Variants in PCDH7 observed in about 807,000 individuals in gnomAD.
PCDH7 encodes the protein protocadherin-7.
PCDH7 carries 17 observed loss-of-function variants against 58.9 expected under a neutral mutation model. The observed-to-expected ratio is 0.29, with a 90% confidence interval of 0.20 to 0.43. PCDH7 has a LOEUF of 0.43. Among genes scored for constraint, PCDH7 ranks in the 20% least tolerant of loss-of-function variants. The pLI is 1.00. For missense variants in PCDH7, 1,274 were observed against 1,441.0 expected (o/e 0.88, Z 1.88); for synonymous variants, 664 against 616.4 (o/e 1.08, Z -1.14).
chr4:31,036,860 G>A (rs548725158), intron 3 of PCDH7, among the ~76,000 whole-genome samples: 3 of 152,234 alleles, frequency 2.0e-5, no homozygotes, highest in Non-Finnish European at 4.4e-5. Context: ...CACAATTATG[G>A]TGAAAAGTGA....
intron 2 of PCDH7, among the ~76,000 whole-genome samples, chr4:30,930,881 G>A (rs1475318632): frequency 1.3e-5 from 2 of 152,196 alleles, no homozygotes; most frequent in Non-Finnish European, 2.9e-5. Flanking sequence ...CCAGGCTGCA[G>A]TGAGCTTTTT....
Position 30,720,588 on chromosome 4 carries a change from G to C in PCDH7, c.-835G>C, listed in dbSNP as rs1351973348. The C allele has an allele frequency of 6.6e-6, 1 of 152,640 alleles. No individual in the cohort carries two copies. Among genetic ancestry groups the C allele is most frequent in the Non-Finnish European group, 1.5e-5 (1 of 68,062 alleles). 9.5% of individuals were successfully genotyped at this position (152,640 alleles called of 1,614,324 possible). ...TTGTTAAGAAAAAAGAGAAACCCGC[G>C]CTCTCCGGGGTGAGAAGGGACTGAC... On this transcript the variant is annotated 5_prime_UTR_variant, in exon 1 of 2. Transcript: ENST00000361762. The surrounding 1 kb of genome is among the most constrained non-coding windows in gnomAD (Gnocchi z 4.7).
downstream of PCDH7, chr4:31,146,529 C>G (rs1230865064): frequency 6.6e-6 from 1 of 151,998 alleles, no homozygotes; most frequent in Non-Finnish European, 1.5e-5. Flanking sequence ...AAAGCACTTG[C>G]GTTCAGTGTG....
chr4:30,857,022 T>C (rs1342632041), intron 1 of PCDH7, among the ~76,000 whole-genome samples: 5 of 152,010 alleles, frequency 3.3e-5, no homozygotes, highest in African/African-American at 1.2e-4. Flanking sequence ...ACGTGGAGGT[T>C]GAAATAGAGA....
chr4:30,784,120 C>G (rs1723120702), intron 1 of PCDH7, among the ~76,000 whole-genome samples: 1 of 152,174 alleles, frequency 6.6e-6, no homozygotes, highest in Non-Finnish European at 1.5e-5. Flanking sequence ...TGTCTGTGAT[C>G]TGAAAATTGC....
intron 3 of PCDH7, among the ~76,000 whole-genome samples, chr4:31,096,465 G>A (rs1241485799): frequency 6.6e-6 from 1 of 152,134 alleles, no homozygotes; most frequent in African/African-American, 2.4e-5. Context: ...CAGGGTAAAA[G>A]TAGAGTAGAC....
At chr4:30,743,243 C>A (rs1717314775) in intron 1 of PCDH7, among the ~76,000 whole-genome samples, 1 of 152,070 alleles carries the variant, frequency 6.6e-6, no homozygotes, top group Admixed American at 6.6e-5. Context: ...GTTACATTGT[C>A]ACATTTTATT....
At chr4:31,123,904 T>C (rs1717983751) in intron 3 of PCDH7, among the ~76,000 whole-genome samples, 2 of 152,044 alleles carry the variant, frequency 1.3e-5, no homozygotes, top group Admixed American at 1.3e-4. Context: ...TCTTCATCCA[T>C]CCCCAGCCGA....
At chr4:30,901,985 AACTAT>A (rs1364015896) in intron 1 of PCDH7, among the ~76,000 whole-genome samples, 2 of 152,200 alleles carry the variant, frequency 1.3e-5, no homozygotes, top group Non-Finnish European at 2.9e-5. Flanking sequence ...ATCAGTTAGC[AACTAT>A]GCTATGTAAC....
chr4:31,142,945 G>A (rs1578911895), exon 4 of PCDH7: 1 of 936,694 alleles, frequency 1.1e-6, no homozygotes, highest in East Asian at 5.1e-5. Context: ...ACAAAGAGGG[G>A]GCTACCAAAG....
At chr4:30,791,839 T>A (rs1029240674) in intron 1 of PCDH7, among the ~76,000 whole-genome samples, 5 of 152,186 alleles carry the variant, frequency 3.3e-5, no homozygotes, top group African/African-American at 1.2e-4. Flanking sequence ...GAAAATCACT[T>A]TATCCACAGT....
At chr4:30,852,723 C>T (rs934059904) in intron 1 of PCDH7, among the ~76,000 whole-genome samples, 3 of 149,062 alleles carry the variant, frequency 2.0e-5, no homozygotes, top group Non-Finnish European at 4.4e-5. Flanking sequence ...GACAGAATTC[C>T]AGCATTATTG....
intron 3 of PCDH7, among the ~76,000 whole-genome samples, chr4:31,034,480 G>A (rs1170566221): frequency 6.6e-6 from 1 of 152,186 alleles, no homozygotes; most frequent in Non-Finnish European, 1.5e-5. Context: ...TAGCAGGGGA[G>A]ATGTTACCTA....
intron 1 of PCDH7, among the ~76,000 whole-genome samples, chr4:30,802,154 T>C (rs1034933675): frequency 6.6e-6 from 1 of 152,148 alleles, no homozygotes; most frequent in Non-Finnish European, 1.5e-5. Flanking sequence ...TTAAGTAACT[T>C]GCTCAAATTC....
intron 2 of PCDH7, among the ~76,000 whole-genome samples, chr4:30,944,460 GC>G (rs1746435831): frequency 6.6e-6 from 1 of 152,022 alleles, no homozygotes; most frequent in Non-Finnish European, 1.5e-5. Context: ...ATAAGCAAAA[GC>G]TCTTTAGGGT....
At chr4:30,985,505 G>A (rs1268149399) in intron 3 of PCDH7, among the ~76,000 whole-genome samples, 2 of 152,080 alleles carry the variant, frequency 1.3e-5, no homozygotes, top group East Asian at 1.9e-4. Context: ...GGTTTCAGTG[G>A]TGACTATGCA....
chr4:30,730,709 C>G, intron 1 of PCDH7: 1 of 1,467,072 alleles, frequency 6.8e-7, no homozygotes, highest in Non-Finnish European at 9.3e-7. Flanking sequence ...ATTTCTTTAT[C>G]GATTTTTTTT....
chr4:30,787,431 G>A (rs1174864117), intron 1 of PCDH7, among the ~76,000 whole-genome samples: 1 of 152,046 alleles, frequency 6.6e-6, no homozygotes, highest in African/African-American at 2.4e-5. Flanking sequence ...GTGAGAGGAA[G>A]TAAAATTTAG....
At chr4:31,051,693 T>C (rs1756743615) in intron 3 of PCDH7, among the ~76,000 whole-genome samples, 1 of 152,080 alleles carries the variant, frequency 6.6e-6, no homozygotes, top group African/African-American at 2.4e-5. Context: ...GCAGCAGACC[T>C]TAAACCTTTA....
Sources: gnomAD v4.1 joint callset for allele counts (sites outside exome capture counted in the v4.1 genomes callset) on GRCh38, gnomAD v4.1.1 for gene constraint, Gnocchi (gnomAD v3.1) non-coding constraint, MANE v1.5 for transcripts, NCBI Gene and HGNC (gene_info 2026-07-23, HGNC 2026-07-21) for gene names.